The following CLN3 variants were observed in gnomAD, a reference collection of about 807,000 sequenced individuals.
CLN3 encodes the protein CLN3 lysosomal/endosomal transmembrane protein, battenin.
A neutral mutation model predicts 60.7 loss-of-function variants in CLN3; 49 were observed. The observed-to-expected ratio is 0.81, with a 90% CI of 0.64 to 1.02. The LOEUF is 1.02. Ranked by LOEUF, CLN3 falls within the 50% of genes least tolerant of loss-of-function variation. The pLI is 0.00. For synonymous variants in CLN3, 256 were observed against 245.8 expected (o/e 1.04, Z -0.39); for missense variants, 516 against 557.4 (o/e 0.93, Z 0.75).
At chr16:28,484,474 A>C in intron 9 of CLN3, 1 of 287,844 alleles carries the variant, frequency 3.5e-6, no homozygotes, top group East Asian at 8.5e-5. Flanking sequence ...TCAGCCTCCC[A>C]AGTAGCGGGG....
chr16:28,471,863 C>G (rs1050064824), downstream of CLN3, among the ~76,000 whole-genome samples: 1 of 151,962 alleles, frequency 6.6e-6, no homozygotes, highest in Non-Finnish European at 1.5e-5. Context: ...CATGATTGAC[C>G]TCTCAGGGAT....
chr16:28,478,817 G>A lies in CLN3; in HGVS notation c.1057-940C>T, dbSNP rs548282434. ...TAGATGCCCATAGCATCCCTCAGTT[G>A]TGACAACCAAAGCATGCCTGCAGAC... On this transcript the variant is annotated intron_variant, in intron 14 of 15. Transcript: ENST00000636147. Among the ~76,000 whole-genome samples, 123 of 152,044 alleles carry A rather than the reference G, an allele frequency of 8.1e-4. 2 individuals carry two copies. The highest frequency in any genetic ancestry group is 1.5e-3 in the Non-Finnish European group (104 of 68,022).
chr16:28,470,306 T>A, downstream of CLN3: 7 of 1,444,396 alleles, frequency 4.8e-6, no homozygotes, highest in Non-Finnish European at 6.4e-6. Context: ...CTGAGCTGTG[T>A]AATTTCATGC....
At position 28,491,829 on chromosome 16, in the gene CLN3, T is replaced by G. The variant is rs1456813866; in HGVS notation, c.-70A>C. ...CCAAAGGGGGCTCCCACGGGAGGGA[T>G]GAGGGTCTGCGACAGGTGACAAGGA... is the stretch of plus-strand genomic sequence containing the variant. On this transcript the variant is annotated 5_prime_UTR_variant, in exon 2 of 16. Transcript: ENST00000636147. 2 of 1,581,902 alleles carry G rather than the reference T, an allele frequency of 1.3e-6. No homozygotes were observed.
downstream of CLN3, chr16:28,476,103 T>C (rs1240824283): frequency 6.6e-6 from 1 of 151,716 alleles, no homozygotes; most frequent in African/African-American, 2.4e-5. Context: ...TGCAGGCTGG[T>C]CTCAAACTCC....
chr16:28,491,791 G>C lies in CLN3; in HGVS notation c.-32C>G, dbSNP rs1567264952. The C allele has an allele frequency of 6.2e-7, 1 of 1,612,216 alleles. No individual in the cohort carries two copies. The highest frequency in any genetic ancestry group is 8.5e-7 in the Non-Finnish European group (1 of 1,179,822). ...AAGTTCAGGTCCCCCGAGGGTCCAG[G>C]GTCATAGAGTGTCCAAAGGGGGCTC... On this transcript the variant is annotated 5_prime_UTR_variant, in exon 2 of 16. Transcript: ENST00000636147.
intron 9 of CLN3, 69 bp from the exon 10 acceptor site, chr16:28,484,187 C>T (rs2046164050): frequency 8.0e-6 from 9 of 1,124,630 alleles, no homozygotes; most frequent in Non-Finnish European, 1.2e-5. Flanking sequence ...ACCATCTAGG[C>T]CACTTTTCCC....
rs1290056733 is a variant in CLN3 at position 28,492,030 on chromosome 16, A to G, written c.-87T>C. 2 of 585,258 alleles carry G rather than the reference A, an allele frequency of 3.4e-6. No homozygotes were observed. The highest frequency in any genetic ancestry group is 3.7e-5 in the African/African-American group (2 of 53,546). 36.3% of individuals were successfully genotyped at this position (585,258 alleles called of 1,614,324 possible). A position where few individuals can be genotyped will look rare whatever the true frequency, so the allele number is the denominator to read the frequency against. On this transcript the variant is annotated 5_prime_UTR_variant, in exon 1 of 16. Transcript: ENST00000636147. ...CCCTGAGGCCTGTACCTTTAAGAGC[A>G]GCAGAATGTTCTGCACTATGCAGAG... is the stretch of plus-strand genomic sequence containing the variant.
chr16:28,488,426 T>C (rs1038476902), intron 5 of CLN3, 165 bp downstream of exon 5: 12 of 596,702 alleles, frequency 2.0e-5, no homozygotes, highest in Non-Finnish European at 3.6e-5. Flanking sequence ...CCTCCCACCT[T>C]GGTCTCCCAA....
intron 10 of CLN3, among the ~76,000 whole-genome samples, 168 bp from the exon 11 acceptor site, chr16:28,482,840 A>T (rs529300014): frequency 6.4e-4 from 98 of 152,270 alleles, no homozygotes; most frequent in Non-Finnish European, 8.7e-4. Flanking sequence ...GCAGTGGCTC[A>T]TGCTTGTAAT....
chr16:28,490,326 C>T (rs1389226127), intron 3 of CLN3: 1 of 151,880 alleles, frequency 6.6e-6, no homozygotes, highest in African/African-American at 2.4e-5. Context: ...CACCTGTAAT[C>T]CCAGCTACTC....
Position 28,491,778 on chromosome 16 carries a change from C to A in CLN3, c.-19G>T. 1 of 1,613,274 alleles carries A rather than the reference C, an allele frequency of 6.2e-7. No homozygotes were observed. The highest frequency in any genetic ancestry group is 8.5e-7 in the Non-Finnish European group (1 of 1,180,006). ...CTCCCATCGCATCAAGTTCAGGTCC[C>A]CCGAGGGTCCAGGGTCATAGAGTGT... On this transcript the variant is annotated 5_prime_UTR_variant, in exon 2 of 16. Transcript: ENST00000636147.
chr16:28,482,413 C>A, intron 12 of CLN3, 31 bp from the exon 13 acceptor site: 5 of 1,613,760 alleles, frequency 3.1e-6, no homozygotes, highest in Non-Finnish European at 4.2e-6. Flanking sequence ...GGGAGATGGA[C>A]GGGGCTGTGT....
downstream of CLN3, chr16:28,470,672 G>A (rs1304901652): frequency 7.7e-6 from 4 of 518,608 alleles, no homozygotes; most frequent in African/African-American, 3.8e-5. Context: ...GTAAGGGAAG[G>A]GAAAGGAGGA....
intron 3 of CLN3, among the ~76,000 whole-genome samples, chr16:28,489,620 C>T (rs898618509): frequency 3.9e-5 from 6 of 152,186 alleles, no homozygotes; most frequent in African/African-American, 1.4e-4. Flanking sequence ...GGTGTGGTGG[C>T]TTGCACTGTA....
At chr16:28,486,672 G>A in intron 7 of CLN3, 22 bp from the exon 8 acceptor site, 1 of 1,593,914 alleles carries the variant, frequency 6.3e-7, no homozygotes, top group Non-Finnish European at 8.5e-7. Flanking sequence ...ACAAGCACTG[G>A]GATGGTCACA....
At chr16:28,487,811 A>G in intron 5 of CLN3, 70 bp from the exon 6 acceptor site, 6 of 1,314,606 alleles carry the variant, frequency 4.6e-6, no homozygotes, top group Non-Finnish European at 6.5e-6. Flanking sequence ...GTGGCCAAGG[A>G]GAGGCAGGAG....
intron 7 of CLN3, chr16:28,487,246 C>T: frequency 1.6e-6 from 1 of 636,112 alleles, no homozygotes; most frequent in Non-Finnish European, 2.9e-6. Flanking sequence ...CCTCAATCTC[C>T]ATCTAATTCA....
Position 28,477,744 on chromosome 16 carries a change from G to A in CLN3, c.1190C>T (p.Ala397Val). The A allele has an allele frequency of 1.2e-6, 2 of 1,614,174 alleles. No individual in the cohort carries two copies. Among genetic ancestry groups the A allele is most frequent in the South Asian group, 2.2e-5 (2 of 91,090 alleles). The change falls in exon 15 of 16, where the codon GCC (alanine) becomes GTC (valine). Residue 397 changes from alanine (A) to valine (V), a missense_variant. Coordinates refer to ENST00000636147, the MANE Select transcript of CLN3 (RefSeq NM_001042432.2). ...AAYVNTFHNI[A>V]LETSDEHREF... ...TGCCCGGCCAATGCTGACCTCCAGG[G>A]CGATGTTGTGGAAGGTGTTCACGTA...
Sources: gnomAD v4.1 joint callset for allele counts (sites outside exome capture counted in the v4.1 genomes callset) on GRCh38, gnomAD v4.1.1 for gene constraint, MANE v1.5 for transcripts, NCBI Gene and HGNC (gene_info 2026-07-23, HGNC 2026-07-21) for gene names.